UNC13C: variants seen among roughly 807,000 people sequenced by gnomAD.
The protein encoded by UNC13C is unc-13 homolog C, also known as protein unc-13 homolog C.
In UNC13C, 174 loss-of-function variants were observed where a neutral mutation model predicts 245.4. The observed-to-expected ratio is 0.71, with a 90% CI of 0.63 to 0.80. The LOEUF (loss-of-function observed/expected upper bound fraction) is 0.80. UNC13C is among the 30% of genes least tolerant of loss of function. The pLI is 0.00. For synonymous variants in UNC13C, 992 were observed against 895.1 expected, an observed-to-expected ratio of 1.11 and a Z score of -1.93; for missense variants, 2,829 against 2,602.9, an observed-to-expected ratio of 1.09 and a Z score of -1.89.
chr15:53,936,392 C>T, the UNC13C span, among the ~76,000 whole-genome samples: 17 of 152,260 alleles, frequency 1.1e-4, no homozygotes, highest in African/African-American at 3.6e-4. Context: ...GATGGAGCCC[C>T]TGGGAGGAGG....
chr15:54,224,590 T>G (rs1012909281), intron 4 of UNC13C, among the ~76,000 whole-genome samples: 8 of 152,160 alleles, frequency 5.3e-5, no homozygotes, highest in African/African-American at 1.9e-4. Flanking sequence ...TATTGGCCTG[T>G]GGCTTTCTTA....
At chr15:54,461,861 T>A (rs1891863439) in intron 19 of UNC13C, among the ~76,000 whole-genome samples, 1 of 152,174 alleles carries the variant, frequency 6.6e-6, no homozygotes. Context: ...TGAGGGGTTG[T>A]TCAATGTTTG....
At chr15:54,335,150 T>C (rs1027836502) in intron 16 of UNC13C, among the ~76,000 whole-genome samples, 2 of 152,144 alleles carry the variant, frequency 1.3e-5, no homozygotes, top group Admixed American at 6.6e-5. Context: ...CTGGTGCAAT[T>C]GATTTTGTCT....
the UNC13C span, among the ~76,000 whole-genome samples, chr15:53,957,282 C>T: frequency 6.6e-6 from 1 of 152,108 alleles, no homozygotes. Flanking sequence ...GCTAGGATTA[C>T]AGGTGTGCAC....
intron 26 of UNC13C, among the ~76,000 whole-genome samples, chr15:54,544,992 C>T (rs1896421198): frequency 6.6e-6 from 1 of 152,138 alleles, no homozygotes; most frequent in South Asian, 2.1e-4. Flanking sequence ...ATAGCCAAGA[C>T]AATCCTAAGC....
At chr15:54,509,926 T>C (rs1894660705) in intron 23 of UNC13C, among the ~76,000 whole-genome samples, 1 of 152,182 alleles carries the variant, frequency 6.6e-6, no homozygotes, top group Non-Finnish European at 1.5e-5. Context: ...CTCTTTTTTC[T>C]CTGTAGTCTA....
chr15:53,949,372 A>G, the UNC13C span, among the ~76,000 whole-genome samples: 1 of 152,318 alleles, frequency 6.6e-6, no homozygotes, highest in East Asian at 1.9e-4. Flanking sequence ...TGATTTATTG[A>G]TATAACCCAG....
chr15:53,922,432 A>T, the UNC13C span, among the ~76,000 whole-genome samples: 1 of 152,228 alleles, frequency 6.6e-6, no homozygotes, highest in Non-Finnish European at 1.5e-5. Flanking sequence ...AAATGAAGAA[A>T]CGGAAGCCAA....
chr15:54,595,500 G>A (rs1417018248), intron 30 of UNC13C, among the ~76,000 whole-genome samples: 1 of 152,182 alleles, frequency 6.6e-6, no homozygotes, highest in African/African-American at 2.4e-5. Flanking sequence ...GTTTGTTCTT[G>A]CAGTTCATCT....
At chr15:54,061,694 G>T (rs542585206) in intron 2 of UNC13C, among the ~76,000 whole-genome samples, 1 of 152,184 alleles carries the variant, frequency 6.6e-6, no homozygotes, top group Non-Finnish European at 1.5e-5. Flanking sequence ...AGAGAAAGTA[G>T]AAGGAGGGCT....
chr15:53,853,447 A>T, the UNC13C span, among the ~76,000 whole-genome samples: 1 of 152,174 alleles, frequency 6.6e-6, no homozygotes, highest in Admixed American at 6.5e-5. Flanking sequence ...TATTGTGAAT[A>T]GTGGGGCAAT....
intron 4 of UNC13C, among the ~76,000 whole-genome samples, chr15:54,226,232 A>C (rs772519520): frequency 1.3e-5 from 2 of 152,190 alleles, no homozygotes; most frequent in Admixed American, 6.5e-5. Flanking sequence ...TTTTGCATCA[A>C]CGCTCATCAG....
intron 19 of UNC13C, among the ~76,000 whole-genome samples, chr15:54,452,959 G>T (rs896033614): frequency 2.6e-5 from 4 of 152,212 alleles, no homozygotes; most frequent in Admixed American, 1.3e-4. Flanking sequence ...ATGACAATGG[G>T]ATTCTAAGGG....
chr15:54,255,995 G>A (rs193009217), intron 8 of UNC13C, among the ~76,000 whole-genome samples: 15 of 152,292 alleles, frequency 9.8e-5, no homozygotes, highest in African/African-American at 2.9e-4. Context: ...GCATAATGCC[G>A]TAGAGGTATT....
chr15:53,956,944 G>A, the UNC13C span, among the ~76,000 whole-genome samples: 64,912 of 150,024 alleles, frequency 0.43, 14,236 homozygotes, highest in East Asian at 0.61. Flanking sequence ...TGGCAGCTCT[G>A]CATGTCCAAG....
At chr15:54,587,252 T>C (rs368917612) in intron 30 of UNC13C, among the ~76,000 whole-genome samples, 3 of 149,276 alleles carry the variant, frequency 2.0e-5, no homozygotes, top group Admixed American at 6.7e-5. Context: ...TGTTGTGTCA[T>C]GTTGATTTTA....
At chr15:54,246,349 A>G (rs996412486) in intron 7 of UNC13C, among the ~76,000 whole-genome samples, 1 of 151,942 alleles carries the variant, frequency 6.6e-6, no homozygotes, top group African/African-American at 2.4e-5. Context: ...GGTAAACAAG[A>G]TGTCTATAAC....
intron 2 of UNC13C, among the ~76,000 whole-genome samples, chr15:54,080,549 G>A (rs1015471300): frequency 1.3e-5 from 2 of 151,862 alleles, no homozygotes; most frequent in African/African-American, 4.8e-5. Context: ...TTAATCTTGG[G>A]AAGTCATATG....
At chr15:53,964,654 C>T in the UNC13C span, among the ~76,000 whole-genome samples, 33,183 of 152,016 alleles carry the variant, frequency 0.22, 4,567 homozygotes, top group Non-Finnish European at 0.3. Flanking sequence ...ATAAAACAGG[C>T]CTTAGTACCT....
Sources: allele counts gnomAD v4.1 joint callset (sites outside exome capture counted in the v4.1 genomes callset), GRCh38; gene constraint gnomAD v4.1.1; transcripts MANE v1.5; gene names NCBI Gene and HGNC (gene_info 2026-07-23, HGNC 2026-07-21).